The following FAR2 variants were observed in gnomAD, a reference collection of about 807,000 sequenced individuals.
FAR2 encodes the protein epididymis secretory protein Li 81.
A neutral mutation model predicts 56.0 loss-of-function variants in FAR2; 19 were observed. That is an observed-to-expected ratio of 0.34 (90% CI 0.24 to 0.50). The LOEUF is 0.50. FAR2 is among the 20% of genes least tolerant of loss of function. FAR2 has a pLI of 0.98. For synonymous variants in FAR2, 219 were observed against 218.8 expected, an observed-to-expected ratio of 1.00 and a Z score of -0.01; for missense variants, 508 against 642.2, an observed-to-expected ratio of 0.79 and a Z score of 2.26.
chr12:29,216,709 A>G (rs1326974907), intron 1 of FAR2, among the ~76,000 whole-genome samples: 1 of 152,242 alleles, frequency 6.6e-6, no homozygotes, highest in African/African-American at 2.4e-5. Context: ...TCTTTCTGAC[A>G]GCCCAGAACA....
intron 9 of FAR2, 109 bp downstream of exon 9, chr12:29,317,121 A>G: frequency 8.6e-7 from 1 of 1,161,426 alleles, no homozygotes; most frequent in South Asian, 1.9e-5. Flanking sequence ...ACTGAATCTT[A>G]CCCATATATA....
At chr12:29,267,944 C>A (rs1279488725) in intron 1 of FAR2, among the ~76,000 whole-genome samples, 2 of 152,164 alleles carry the variant, frequency 1.3e-5, no homozygotes, top group Non-Finnish European at 2.9e-5. Context: ...AGAGTGACAG[C>A]AAGGAACAGT....
In FAR2 at chr12:29,210,197, A is replaced by C. The variant is rs146113100; in HGVS notation, c.-38-60215A>C. 1.5e-3 allele frequency among the ~76,000 whole-genome samples: 221 copies of C among 152,180 alleles called. 1 individual carries two copies. In the South Asian group the frequency reaches 0.021, roughly 15 times the overall value. Reference sequence around the variant, plus strand: ...CTCCAGCCTGGGTGACAGAGTGAGAACCTCTCTCAAAATAAATTAATTAAA... The same window carrying C: ...CTCCAGCCTGGGTGACAGAGTGAGACCCTCTCTCAAAATAAATTAATTAAA... On this transcript the variant is annotated intron_variant, in intron 1 of 11. Coordinates refer to ENST00000536681, the MANE Select transcript of FAR2 (RefSeq NM_001271783.2).
At chr12:29,224,068 A>C (rs1257886985) in intron 1 of FAR2, among the ~76,000 whole-genome samples, 1 of 152,188 alleles carries the variant, frequency 6.6e-6, no homozygotes, top group African/African-American at 2.4e-5. Flanking sequence ...ATCGATGACT[A>C]ATTTTCTGTG....
chr12:29,282,932 T>A (rs185751596), intron 2 of FAR2, among the ~76,000 whole-genome samples: 12 of 152,276 alleles, frequency 7.9e-5, no homozygotes, highest in Admixed American at 6.5e-4. Flanking sequence ...TCAGAGCACT[T>A]AAAGGGACAT....
chr12:29,317,520 A>C (rs1319806355), intron 9 of FAR2, among the ~76,000 whole-genome samples: 1 of 152,252 alleles, frequency 6.6e-6, no homozygotes, highest in Non-Finnish European at 1.5e-5. Context: ...CAAAGCAGTC[A>C]TAGTGAGAAG....
intron 3 of FAR2, among the ~76,000 whole-genome samples, chr12:29,295,679 C>T (rs1221418599): frequency 2.7e-5 from 4 of 150,692 alleles, no homozygotes; most frequent in Admixed American, 1.3e-4. Context: ...ATATTTTAAA[C>T]GTTCAACTTT....
chr12:29,227,537 T>G (rs891025084), intron 1 of FAR2, among the ~76,000 whole-genome samples: 4 of 152,186 alleles, frequency 2.6e-5, no homozygotes, highest in Admixed American at 6.5e-5. Context: ...ATCGACCAGA[T>G]ACTCTGTAAT....
At chr12:29,330,135 C>G (rs1256732644) in intron 10 of FAR2, among the ~76,000 whole-genome samples, 1 of 148,814 alleles carries the variant, frequency 6.7e-6, no homozygotes, top group Non-Finnish European at 1.5e-5. Context: ...TGGCTCACTG[C>G]AACCTCCGCC....
rs1949860876 is a variant in FAR2 at position 29,169,092 on chromosome 12, C to T, written c.-39+19685C>T. Among the ~76,000 whole-genome samples, 3 of 152,146 alleles carry T rather than the reference C, an allele frequency of 2.0e-5. No individual in the cohort carries two copies. The South Asian group carries it at 6.2e-4, about 32-fold the overall frequency. The stretch of plus-strand genomic sequence containing the variant: ...CACAGAGCACTGATTGGTGCGTTTC[C>T]AATCCTCTAGCTAGACAGAAAAGTT... On this transcript the variant is annotated intron_variant, in intron 1 of 11. Coordinates refer to ENST00000536681, the MANE Select transcript of FAR2 (RefSeq NM_001271783.2).
At chr12:29,281,944 G>T (rs183179252) in intron 2 of FAR2, among the ~76,000 whole-genome samples, 10 of 152,248 alleles carry the variant, frequency 6.6e-5, no homozygotes, top group Admixed American at 6.5e-4. Flanking sequence ...TGCAGTGTTT[G>T]CCAAATCTAA....
intron 1 of FAR2, among the ~76,000 whole-genome samples, chr12:29,212,179 G>T (rs998299273): frequency 1.3e-5 from 2 of 151,922 alleles, no homozygotes; most frequent in Non-Finnish European, 2.9e-5. Context: ...AAAATTATAT[G>T]AATCTAATCC....
chr12:29,250,745 C>A lies in FAR2; in HGVS notation c.-38-19667C>A, dbSNP rs571030602. Among the ~76,000 whole-genome samples the A allele has an allele frequency of 1.5e-4, 23 of 152,232 alleles. No individual in the cohort carries two copies. In the South Asian group the frequency reaches 4.8e-3, roughly 32 times the overall value. ...TGTTCACTAAAAATGTGAGAGAAGT[C>A]CTACATATAGTGAATGTGTTAGGAG... On this transcript the variant is annotated intron_variant, in intron 1 of 11. Transcript: ENST00000536681.
At chr12:29,306,236 GT>G (rs1949252994) in intron 4 of FAR2, among the ~76,000 whole-genome samples, 1 of 152,092 alleles carries the variant, frequency 6.6e-6, no homozygotes, top group East Asian at 1.9e-4. Context: ...AGTTGAAGTT[GT>G]TTTTAATTCT....
At chr12:29,170,788 C>G (rs1042715918) in intron 1 of FAR2, among the ~76,000 whole-genome samples, 4 of 151,986 alleles carry the variant, frequency 2.6e-5, no homozygotes, top group African/African-American at 9.7e-5. Flanking sequence ...CTCTTTCTCT[C>G]TTTCCTTTCT....
At chr12:29,272,112 G>T (rs545126188) in intron 2 of FAR2, among the ~76,000 whole-genome samples, 3 of 152,230 alleles carry the variant, frequency 2.0e-5, no homozygotes, top group African/African-American at 7.2e-5. Context: ...TGTTTTCTTG[G>T]GGTTGATCTT....
Position 29,326,855 on chromosome 12 carries a change from C to T in FAR2, c.1257+4931C>T, listed in dbSNP as rs568220557. 1.2e-3 allele frequency among the ~76,000 whole-genome samples: 176 copies of T among 152,150 alleles called. 1 individual carries two copies. Among genetic ancestry groups the T allele is most frequent in the African/African-American group, 4.2e-3 (173 of 41,496 alleles). On this transcript the variant is annotated intron_variant, in intron 10 of 11. Transcript: ENST00000536681. The stretch of plus-strand genomic sequence containing the variant: ...TGAAAACTGGCACAAGACAGGGATG[C>T]CCTCTCTCACCACTCCTATTCAACA...
intron 2 of FAR2, among the ~76,000 whole-genome samples, chr12:29,290,874 G>A (rs1406906175): frequency 6.6e-6 from 1 of 152,112 alleles, no homozygotes; most frequent in East Asian, 1.9e-4. Context: ...GGGAGGGGGT[G>A]GATGGGAATG....
intron 1 of FAR2, among the ~76,000 whole-genome samples, chr12:29,257,466 C>T (rs11612172): frequency 0.12 from 18,259 of 152,176 alleles, 1,264 homozygotes; most frequent in Middle Eastern, 0.24. Flanking sequence ...GCTGCCCAAG[C>T]CAGCAGTGGC....
Sources: gnomAD v4.1 joint callset for allele counts (sites outside exome capture counted in the v4.1 genomes callset) on GRCh38, gnomAD v4.1.1 for gene constraint, MANE v1.5 for transcripts, NCBI Gene and HGNC (gene_info 2026-07-23, HGNC 2026-07-21) for gene names.